FAM171A1: variants seen among roughly 807,000 people sequenced by gnomAD.
FAM171A1 encodes family with sequence similarity 171 member A1, also known as protein FAM171A1.
FAM171A1 carries 23 observed loss-of-function variants against 74.9 expected under a neutral mutation model. The ratio of observed to expected loss-of-function variants is 0.31; its 90% confidence interval spans 0.22 to 0.44. FAM171A1 has a LOEUF of 0.44. Among genes scored for constraint, FAM171A1 ranks in the 20% least tolerant of loss-of-function variants. The pLI is 1.00. For missense variants in FAM171A1, 1,162 were observed against 1,159.2 expected, an observed-to-expected ratio of 1.00 and a Z score of -0.03; for synonymous variants, 527 against 505.7, an observed-to-expected ratio of 1.04 and a Z score of -0.57.
At chr10:15,227,301 G>A (rs979189736) in intron 5 of FAM171A1, among the ~76,000 whole-genome samples, 31 of 151,764 alleles carry the variant, frequency 2.0e-4, no homozygotes, top group Non-Finnish European at 1.0e-4. Context: ...GCACCCGGCC[G>A]GAACAGTGAT....
At chr10:15,224,442 G>T (rs1834079380) in intron 5 of FAM171A1, among the ~76,000 whole-genome samples, 1 of 152,120 alleles carries the variant, frequency 6.6e-6, no homozygotes, top group Admixed American at 6.5e-5. Context: ...AGGCACACAT[G>T]GTTGGAGCTT....
chr10:15,214,683 T>C lies in FAM171A1; in HGVS notation c.987-82A>G, dbSNP rs1043922449. 1.0e-5 allele frequency: 15 copies of C among 1,478,144 alleles called. No individual in the cohort carries two copies. The African/African-American group carries it at 1.6e-4, about 15-fold the overall frequency. The allele number at this position is 1,478,144 out of a possible 1,614,324, so 91.6% of individuals were successfully genotyped here. ...TTTCAAGTTTCAGGTAAAATCCTAA[T>C]TCTCAATTTCCATGGGGAGAGACAA... On this transcript the variant is annotated intron_variant, in intron 7 of 7. Coordinates refer to ENST00000378116, the MANE Select transcript of FAM171A1 (RefSeq NM_001010924.2).
chr10:15,267,589 G>A (rs1427855181), intron 3 of FAM171A1, among the ~76,000 whole-genome samples: 1 of 115,698 alleles, frequency 8.6e-6, no homozygotes, highest in East Asian at 2.8e-4. Context: ...GCAACAGAGC[G>A]AGACACCATC....
intron 5 of FAM171A1, among the ~76,000 whole-genome samples, chr10:15,226,809 C>G (rs1426824302): frequency 6.6e-6 from 1 of 151,956 alleles, no homozygotes; most frequent in African/African-American, 2.4e-5. Flanking sequence ...GTTTATTTCC[C>G]TTTTCTTTCT....
chr10:15,350,876 C>T (rs547040858), intron 1 of FAM171A1, among the ~76,000 whole-genome samples: 2 of 152,156 alleles, frequency 1.3e-5, no homozygotes, highest in African/African-American at 2.4e-5. Context: ...CTCCTGACCT[C>T]GAGTGATCTG....
intron 2 of FAM171A1, among the ~76,000 whole-genome samples, chr10:15,281,660 A>C (rs1343402044): frequency 6.6e-6 from 1 of 152,164 alleles, no homozygotes; most frequent in Non-Finnish European, 1.5e-5. Flanking sequence ...TCAGGAGCTC[A>C]AGACCAGCCT....
intron 1 of FAM171A1, among the ~76,000 whole-genome samples, chr10:15,332,546 A>G (rs1486782543): frequency 6.6e-6 from 1 of 152,170 alleles, no homozygotes; most frequent in African/African-American, 2.4e-5. Flanking sequence ...TGCTTTTCCA[A>G]TCAATACATG....
At chr10:15,330,843 G>A (rs1219655241) in intron 1 of FAM171A1, among the ~76,000 whole-genome samples, 1 of 145,220 alleles carries the variant, frequency 6.9e-6, no homozygotes, top group African/African-American at 2.6e-5. Context: ...TCAGCCTCCC[G>A]AGTAGCTGGG....
upstream of FAM171A1, among the ~76,000 whole-genome samples, chr10:15,371,737 G>A (rs1038477208): frequency 6.6e-6 from 1 of 152,224 alleles, no homozygotes; most frequent in Non-Finnish European, 1.5e-5. Context: ...AGGGGTTAGG[G>A]TGGGGAGGAA....
intron 1 of FAM171A1, among the ~76,000 whole-genome samples, chr10:15,297,879 A>C (rs1203965068): frequency 1.2e-4 from 19 of 152,212 alleles, no homozygotes; most frequent in Admixed American, 1.2e-3. Flanking sequence ...ATAATGCTAG[A>C]AGAGCTACTA....
At chr10:15,315,345 G>A (rs748563000) in intron 1 of FAM171A1, among the ~76,000 whole-genome samples, 43 of 152,110 alleles carry the variant, frequency 2.8e-4, no homozygotes, top group Non-Finnish European at 5.7e-4. Context: ...TATTAACATC[G>A]AAAACACCGT....
At chr10:15,260,912 C>T (rs1834647578) in intron 3 of FAM171A1, among the ~76,000 whole-genome samples, 1 of 152,210 alleles carries the variant, frequency 6.6e-6, no homozygotes, top group African/African-American at 2.4e-5. Flanking sequence ...TTCTGAACCA[C>T]TGCACTATAT....
chr10:15,233,670 G>A (rs11259559), intron 5 of FAM171A1, among the ~76,000 whole-genome samples: 11,156 of 152,132 alleles, frequency 0.073, 474 homozygotes, highest in Middle Eastern at 0.17. Context: ...TTGGGAGGCC[G>A]AGGTGGGTGG....
chr10:15,225,742 C>T (rs571977864), intron 5 of FAM171A1, among the ~76,000 whole-genome samples: 6 of 152,234 alleles, frequency 3.9e-5, no homozygotes, highest in East Asian at 3.9e-4. Flanking sequence ...GTGAGAGCCT[C>T]GGGCACTGCT....
chr10:15,280,657 C>T (rs746223542), intron 2 of FAM171A1, among the ~76,000 whole-genome samples: 5 of 152,302 alleles, frequency 3.3e-5, no homozygotes, highest in East Asian at 1.9e-4. Flanking sequence ...TTCTGGGTTT[C>T]GTAAGAATGC....
At chr10:15,327,732 G>C (rs913563855) in intron 1 of FAM171A1, among the ~76,000 whole-genome samples, 1 of 152,084 alleles carries the variant, frequency 6.6e-6, no homozygotes, top group Non-Finnish European at 1.5e-5. Flanking sequence ...AGAACACATG[G>C]ACATAAAGAA....
At chr10:15,268,029 T>TAA (rs1423114223) in intron 3 of FAM171A1, among the ~76,000 whole-genome samples, 1 of 152,144 alleles carries the variant, frequency 6.6e-6, no homozygotes, top group Non-Finnish European at 1.5e-5. Flanking sequence ...CACGTGGGCC[T>TAA]AAAAGCCACG....
In FAM171A1 at chr10:15,283,915, C is replaced by G. The variant is rs1014193283; in HGVS notation, c.288G>C (p.Val96=). The G allele has an allele frequency of 1.2e-6, 2 of 1,614,062 alleles. No homozygotes were observed. Among genetic ancestry groups the G allele is most frequent in the African/African-American group, 1.3e-5 (1 of 74,918 alleles). ...LIVTASKHAY[V]PNSAPWKPIR... is the part of the protein sequence containing the mutation. The stretch of plus-strand genomic sequence containing the variant: ...TTGGCTTCCATGGGGCAGAGTTTGG[C>G]ACGTAGGCATGCTTCGAGGCGGTGA... Residue 96 remains valine (V), a synonymous_variant, in exon 2 of 8, where the codon GTG becomes GTC. Transcript: ENST00000378116.
intron 1 of FAM171A1, among the ~76,000 whole-genome samples, chr10:15,363,698 G>A (rs1255077718): frequency 6.6e-6 from 1 of 152,140 alleles, no homozygotes; most frequent in East Asian, 1.9e-4. Flanking sequence ...ACTCCACCAA[G>A]CCATCAGTGA....
Sources: gnomAD v4.1 joint callset for allele counts (sites outside exome capture counted in the v4.1 genomes callset) on GRCh38, gnomAD v4.1.1 for gene constraint, MANE v1.5 for transcripts, NCBI Gene and HGNC (gene_info 2026-07-23, HGNC 2026-07-21) for gene names.